TMEM181: variants seen among roughly 807,000 people sequenced by gnomAD.
TMEM181 encodes G protein-coupled receptor 178.
TMEM181 carries 39 observed loss-of-function variants against 71.9 expected under a neutral mutation model. The ratio of observed to expected loss-of-function variants is 0.54; its 90% CI spans 0.42 to 0.71. The LOEUF (loss-of-function observed/expected upper bound fraction) is 0.71. Among genes scored for constraint, TMEM181 ranks in the 30% least tolerant of loss-of-function variants. The pLI, the probability that TMEM181 is intolerant of heterozygous loss-of-function variation, is 0.00. For synonymous variants in TMEM181, 245 were observed against 228.8 expected (o/e 1.07, Z -0.64); for missense variants, 595 against 583.0 (o/e 1.02, Z -0.21).
At chr6:158,559,998 G>C (rs1782058653), upstream of TMEM181, 5 of 970,228 alleles carry the variant, frequency 5.2e-6, no homozygotes, top group African/African-American at 1.8e-5. Flanking sequence ...CACCCCCCTC[G>C]CCGCGCGCCC....
intron 9 of TMEM181, 77 bp from the exon 10 acceptor site, chr6:158,608,582 T>G: frequency 6.3e-7 from 1 of 1,597,118 alleles, no homozygotes; most frequent in East Asian, 2.2e-5. Flanking sequence ...AGGCCCATAC[T>G]CAATGGAAAA....
upstream of TMEM181, chr6:158,560,081 G>A (rs1782065732): frequency 7.1e-6 from 7 of 985,110 alleles, no homozygotes; most frequent in Non-Finnish European, 8.4e-6. Flanking sequence ...TCTCGGCGTC[G>A]CGCTCTGATG....
chr6:158,555,788 G>A (rs993112473), upstream of TMEM181, among the ~76,000 whole-genome samples: 1 of 152,160 alleles, frequency 6.6e-6, no homozygotes, highest in African/African-American at 2.4e-5. Flanking sequence ...AATTCTGTCA[G>A]CGAATGTCAG....
chr6:158,562,792 T>G (rs1007379631), intron 1 of TMEM181, among the ~76,000 whole-genome samples: 1 of 152,216 alleles, frequency 6.6e-6, no homozygotes, highest in Non-Finnish European at 1.5e-5. Flanking sequence ...AAAAGATAAC[T>G]GTGAGTGTTC....
At chr6:158,568,015 G>A (rs769675213) in intron 1 of TMEM181, among the ~76,000 whole-genome samples, 1 of 152,122 alleles carries the variant, frequency 6.6e-6, no homozygotes, top group Non-Finnish European at 1.5e-5. Context: ...AGGAAGGTGC[G>A]TTTGGAGGTG....
rs1374492923 is a variant in TMEM181, at chr6:158,634,219, T to C, written c.*2331T>C. The C allele has an allele frequency of 1.3e-5, 2 of 152,240 alleles. No individual in the cohort carries two copies. Among genetic ancestry groups the C allele is most frequent in the Non-Finnish European group, 2.9e-5 (2 of 68,036 alleles). The allele number at this position is 152,240 out of a possible 1,614,324, so 9.4% of individuals were successfully genotyped here. A position where few individuals can be genotyped will look rare whatever the true frequency, so the allele number is the denominator to read the frequency against. On this transcript the variant is annotated 3_prime_UTR_variant, in exon 17 of 17. Coordinates refer to ENST00000684151, the MANE Select transcript of TMEM181 (RefSeq NM_001376852.1). The stretch of plus-strand genomic sequence containing the variant: ...TACTAAGTCATGTATTTTCAACTTG[T>C]CTTCCCTGGTATATCATAAATACCG...
chr6:158,594,257 C>G (rs1348949646), intron 6 of TMEM181, among the ~76,000 whole-genome samples: 1 of 151,930 alleles, frequency 6.6e-6, no homozygotes, highest in Admixed American at 6.6e-5. Flanking sequence ...CACCACTATG[C>G]GTGGCTAATT....
At position 158,631,877 on chromosome 6, in the gene TMEM181, G is replaced by GA; in HGVS notation, c.1418dup (p.Asp473GlufsTer2). The GA allele has an allele frequency of 1.3e-6, 2 of 1,591,454 alleles. No individual in the cohort carries two copies. Among genetic ancestry groups the GA allele is most frequent in the Non-Finnish European group, 1.7e-6 (2 of 1,168,490 alleles). The stretch of plus-strand genomic sequence containing the variant: ...CCGGGCCAAGTACAAGGAGGAGTCA[G>GA]ATAGTGACTGAGCCCCGGCCAGCCC... On this transcript the variant is annotated frameshift_variant, in exon 17 of 17. Coordinates refer to ENST00000684151, the MANE Select transcript of TMEM181 (RefSeq NM_001376852.1). LOFTEE classifies it high-confidence loss of function.
chr6:158,540,354 A>G (rs1781296111), intron 1 of TMEM181, among the ~76,000 whole-genome samples: 1 of 152,232 alleles, frequency 6.6e-6, no homozygotes, highest in African/African-American at 2.4e-5. Flanking sequence ...CAGGCCCAGC[A>G]TTTGCTGTCG....
chr6:158,614,316 G>A (rs1376455273), intron 10 of TMEM181, among the ~76,000 whole-genome samples: 3 of 152,108 alleles, frequency 2.0e-5, no homozygotes, highest in African/African-American at 7.2e-5. Flanking sequence ...TTAAGTTTTT[G>A]CTTCGCCAAA....
chr6:158,624,338 A>T (rs567366068), intron 11 of TMEM181, among the ~76,000 whole-genome samples: 20,314 of 152,186 alleles, frequency 0.13, 1,498 homozygotes, highest in Middle Eastern at 0.2. Flanking sequence ...GGTGCTTTTG[A>T]GAAAAATGAT....
At chr6:158,570,296 A>G (rs1229710005) in intron 1 of TMEM181, among the ~76,000 whole-genome samples, 3 of 148,760 alleles carry the variant, frequency 2.0e-5, no homozygotes, top group Non-Finnish European at 4.4e-5. Context: ...GCAGTGGTGC[A>G]ATCTCAGCTC....
intron 1 of TMEM181, among the ~76,000 whole-genome samples, chr6:158,544,218 T>TGTGTGTGTGTGTGTGTGTGTGTGTG (rs1554300407): frequency 6.9e-6 from 1 of 144,164 alleles, no homozygotes; most frequent in African/African-American, 2.6e-5. Flanking sequence ...TGTGTGTGTG[T>TGTGTGTGTGTGTGTGTGTGTGTGTG]TGGGGTGAGG....
At chr6:158,609,659 C>A in intron 10 of TMEM181, 1 of 217,358 alleles carries the variant, frequency 4.6e-6, no homozygotes, top group Non-Finnish European at 9.9e-6. Context: ...CGTCAGGTTG[C>A]TAGTTGCCCT....
chr6:158,565,535 C>A (rs959140309), intron 1 of TMEM181, among the ~76,000 whole-genome samples: 4 of 152,198 alleles, frequency 2.6e-5, no homozygotes, highest in African/African-American at 7.2e-5. Context: ...AGAGACAACG[C>A]TGGGGGGAGA....
Position 158,625,174 on chromosome 6 carries a change from C to T in TMEM181, c.1025C>T (p.Ala342Val), listed in dbSNP as rs1037808253. The change falls in exon 12 of 17, where the codon GCG becomes GTG. Residue 342 changes from alanine to valine, a missense_variant. Transcript: ENST00000684151. ...ILYLLFLIVR[A>V]CSELRHMPYV... is the part of the protein sequence containing the mutation. ...TACCTCTTGTTCTTGATAGTGCGGGCGTGTTCCGAGCTACGTCACATGCCT... is the reference window on the plus strand; with the variant it reads ...TACCTCTTGTTCTTGATAGTGCGGGTGTGTTCCGAGCTACGTCACATGCCT... 13 of 1,614,012 alleles carry T rather than the reference C, an allele frequency of 8.1e-6. No individual in the cohort carries two copies. Among genetic ancestry groups the T allele is most frequent in the Admixed American group, 5.0e-5 (3 of 60,004 alleles).
intron 6 of TMEM181, among the ~76,000 whole-genome samples, chr6:158,593,236 AAAT>A (rs938178557): frequency 1.3e-5 from 2 of 152,214 alleles, no homozygotes; most frequent in Non-Finnish European, 2.9e-5. Flanking sequence ...GTAGCTACTA[AAAT>A]AATAAGTTAA....
At chr6:158,558,961 C>T (rs7743225), upstream of TMEM181, among the ~76,000 whole-genome samples, 47,109 of 152,032 alleles carry the variant, frequency 0.31, 8,003 homozygotes, top group East Asian at 0.75. Context: ...GAACCCTTTC[C>T]CTCTGCTTAT....
At chr6:158,556,373 C>T (rs1389438257), upstream of TMEM181, among the ~76,000 whole-genome samples, 3 of 152,106 alleles carry the variant, frequency 2.0e-5, no homozygotes, top group African/African-American at 4.8e-5. Context: ...GACACATTTG[C>T]GTCAACCTAA....
Sources: allele counts gnomAD v4.1 joint callset (sites outside exome capture counted in the v4.1 genomes callset), GRCh38; gene constraint gnomAD v4.1.1; transcripts MANE v1.5; gene names NCBI Gene and HGNC (gene_info 2026-07-23, HGNC 2026-07-21).